The following HECW1 variants were observed in gnomAD, a reference collection of about 807,000 sequenced individuals.
The protein encoded by HECW1 is HECT, C2 and WW domain containing E3 ubiquitin protein ligase 1, also known as E3 ubiquitin-protein ligase HECW1.
A neutral mutation model predicts 182.3 loss-of-function variants in HECW1; 61 were observed. The observed-to-expected ratio is 0.33, with a 90% CI of 0.27 to 0.41. HECW1 has a LOEUF of 0.41. HECW1 is among the 10% of genes least tolerant of loss of function. HECW1 has a pLI of 1.00. For synonymous variants in HECW1, 859 were observed against 832.6 expected (o/e 1.03, Z -0.55); for missense variants, 1,739 against 2,108.9 (o/e 0.82, Z 3.44).
rs778309299 is a variant in HECW1 at position 43,171,036 on chromosome 7, CAG to C, written c.-32+56646_-32+56647del. Among the ~76,000 whole-genome samples the C allele has an allele frequency of 3.3e-5, 5 of 152,198 alleles. 1 individual carries two copies. The highest frequency in any genetic ancestry group is 3.8e-4 in the East Asian group (2 of 5,200). ...TTTTCGCTTCCTTACAAAAGCTCAACAGGGGCACACTGTGGTTGGTCAGATGG... is the reference window on the plus strand; with the variant it reads ...TTTTCGCTTCCTTACAAAAGCTCAACGGGCACACTGTGGTTGGTCAGATGG... On this transcript the variant is annotated intron_variant, in intron 2 of 29. Transcript: ENST00000395891.
intron 6 of HECW1, among the ~76,000 whole-genome samples, chr7:43,371,493 C>A (rs1285703119): frequency 5.3e-5 from 8 of 151,668 alleles, no homozygotes; most frequent in Admixed American, 5.3e-4. Flanking sequence ...TTTAAATGCT[C>A]CAATCAGAAA....
chr7:43,226,945 C>T (rs893655290), intron 2 of HECW1, among the ~76,000 whole-genome samples: 6 of 152,210 alleles, frequency 3.9e-5, no homozygotes, highest in African/African-American at 1.4e-4. Flanking sequence ...TACATTTTCA[C>T]GGCTGTCACA....
At chr7:43,334,837 A>T (rs1331147073) in intron 5 of HECW1, among the ~76,000 whole-genome samples, 2 of 152,238 alleles carry the variant, frequency 1.3e-5, no homozygotes, top group African/African-American at 2.4e-5. Flanking sequence ...TCTACCCTCT[A>T]CCAGAGAATG....
At chr7:43,198,608 TAC>T (rs891139822) in intron 2 of HECW1, among the ~76,000 whole-genome samples, 6 of 133,214 alleles carry the variant, frequency 4.5e-5, no homozygotes, top group Non-Finnish European at 9.6e-5. Flanking sequence ...CCCACAGTCA[TAC>T]ACACTCATTC....
intron 3 of HECW1, among the ~76,000 whole-genome samples, chr7:43,298,714 G>T (rs1008042641): frequency 2.0e-5 from 3 of 152,126 alleles, no homozygotes; most frequent in African/African-American, 7.2e-5. Flanking sequence ...TTAATACTTA[G>T]TCTCTTGGAG....
intron 17 of HECW1, among the ~76,000 whole-genome samples, chr7:43,485,702 A>T (rs2078604219): frequency 6.6e-6 from 1 of 152,166 alleles, no homozygotes; most frequent in South Asian, 2.1e-4. Flanking sequence ...AATATAAAAG[A>T]TTTAAAAAAT....
chr7:43,454,839 C>A (rs7777192), intron 12 of HECW1, among the ~76,000 whole-genome samples: 84,544 of 151,672 alleles, frequency 0.56, 24,503 homozygotes, highest in South Asian at 0.72. Flanking sequence ...TGGCTTTTCT[C>A]ACTGAAAAGG....
intron 24 of HECW1, among the ~76,000 whole-genome samples, chr7:43,537,017 G>C (rs1368185421): frequency 6.6e-6 from 1 of 152,208 alleles, no homozygotes; most frequent in African/African-American, 2.4e-5. Context: ...AGGCTGAGAC[G>C]GTAGAAGCTG....
intron 17 of HECW1, among the ~76,000 whole-genome samples, chr7:43,486,726 T>TGAAA (rs1263394123): frequency 2.0e-5 from 3 of 152,230 alleles, no homozygotes; most frequent in Non-Finnish European, 2.9e-5. Flanking sequence ...CATTGTTGAC[T>TGAAA]GAAACATCGC....
chr7:43,255,654 T>C (rs998159877), intron 3 of HECW1, among the ~76,000 whole-genome samples: 1 of 151,974 alleles, frequency 6.6e-6, no homozygotes, highest in Non-Finnish European at 1.5e-5. Flanking sequence ...AACAGATTTA[T>C]TCATAAATAT....
At chr7:43,490,134 T>A (rs2078874267) in intron 17 of HECW1, among the ~76,000 whole-genome samples, 1 of 152,224 alleles carries the variant, frequency 6.6e-6, no homozygotes, top group Non-Finnish European at 1.5e-5. Context: ...ATGAATTAAC[T>A]GAAAGCCTAA....
chr7:43,306,340 A>T (rs1807565098), intron 3 of HECW1, among the ~76,000 whole-genome samples: 1 of 151,008 alleles, frequency 6.6e-6, no homozygotes, highest in African/African-American at 2.4e-5. Flanking sequence ...TTGGTTTGTA[A>T]ATTTTCTCAA....
chr7:43,193,919 G>A (rs1794181621), intron 2 of HECW1, among the ~76,000 whole-genome samples: 1 of 152,192 alleles, frequency 6.6e-6, no homozygotes, highest in African/African-American at 2.4e-5. Flanking sequence ...ACAAGAGACA[G>A]CTTTGCAGGG....
chr7:43,223,710 G>T (rs774823295), intron 2 of HECW1, among the ~76,000 whole-genome samples: 1 of 151,984 alleles, frequency 6.6e-6, no homozygotes, highest in African/African-American at 2.4e-5. Flanking sequence ...CAGAGTCCTT[G>T]CTGTGACTTA....
chr7:43,184,860 G>T lies in HECW1; in HGVS notation c.-31-59015G>T, dbSNP rs1311419141. Among the ~76,000 whole-genome samples, 4 of 152,114 alleles carry T rather than the reference G, an allele frequency of 2.6e-5. No individual in the cohort carries two copies. The East Asian group carries it at 7.7e-4, about 29-fold the overall frequency. ...TACAGTGATAGCGGAAGGTGAAGGGGAAGCAGGCAGGTCTTACATGGCTGG... is the reference window on the plus strand; with the variant it reads ...TACAGTGATAGCGGAAGGTGAAGGGTAAGCAGGCAGGTCTTACATGGCTGG... On this transcript the variant is annotated intron_variant, in intron 2 of 29. Transcript: ENST00000395891.
At chr7:43,550,663 T>G (rs746458722) in intron 27 of HECW1, 72 bp downstream of exon 27, 20 of 1,440,992 alleles carry the variant, frequency 1.4e-5, no homozygotes, top group Non-Finnish European at 1.7e-5. Flanking sequence ...TCCTCCAGGC[T>G]CCCTGAGGGA....
intron 2 of HECW1, chr7:43,147,592 A>G (rs1357310429): frequency 6.6e-6 from 1 of 152,224 alleles, no homozygotes; most frequent in African/African-American, 2.4e-5. Context: ...AAAGGTAAAC[A>G]AAGAGTTTTT....
chr7:43,113,061 TC>T (rs1784749761), intron 1 of HECW1, 124 bp downstream of exon 1: 1 of 172,960 alleles, frequency 5.8e-6, no homozygotes, highest in Non-Finnish European at 1.2e-5. Context: ...AGATCCACCC[TC>T]CTCCCCACCC....
At chr7:43,162,429 C>G (rs1011882513) in intron 2 of HECW1, among the ~76,000 whole-genome samples, 2 of 152,254 alleles carry the variant, frequency 1.3e-5, no homozygotes, top group African/African-American at 4.8e-5. Flanking sequence ...ACTCCAACCT[C>G]CATCTCCATG....
Sources: gnomAD v4.1 joint callset for allele counts (sites outside exome capture counted in the v4.1 genomes callset) on GRCh38, gnomAD v4.1.1 for gene constraint, MANE v1.5 for transcripts, NCBI Gene and HGNC (gene_info 2026-07-23, HGNC 2026-07-21) for gene names.